Variants in KAZN observed in about 807,000 individuals in gnomAD.
The protein encoded by KAZN is kazrin, periplakin interacting protein.
Under a neutral mutation model 87.4 loss-of-function variants are expected in KAZN, and 40 were observed. That is an observed-to-expected ratio of 0.46 (90% CI 0.36 to 0.60). The LOEUF (loss-of-function observed/expected upper bound fraction) is 0.60. Among genes scored for constraint, KAZN ranks in the 20% least tolerant of loss-of-function variants. The pLI is 0.00. For synonymous variants in KAZN, 466 were observed against 458.3 expected, an observed-to-expected ratio of 1.02 and a Z score of -0.22; for missense variants, 898 against 1,073.9, an observed-to-expected ratio of 0.84 and a Z score of 2.29.
At chr1:14,245,151 G>A (rs2100590897) in intron 2 of KAZN, among the ~76,000 whole-genome samples, 1 of 152,066 alleles carries the variant, frequency 6.6e-6, no homozygotes, top group East Asian at 2.0e-4. Context: ...TTTTACTAGA[G>A]TTGGGGTTTC....
At chr1:14,606,820 A>C (rs564683384) in intron 1 of KAZN, among the ~76,000 whole-genome samples, 2 of 152,280 alleles carry the variant, frequency 1.3e-5, no homozygotes, top group African/African-American at 4.8e-5. Context: ...GCCTCTACCC[A>C]CTAGATGACA....
At chr1:14,209,321 G>A (rs570938304) in intron 2 of KAZN, among the ~76,000 whole-genome samples, 5 of 152,266 alleles carry the variant, frequency 3.3e-5, no homozygotes, top group East Asian at 1.9e-4. Flanking sequence ...GCTACTCCTT[G>A]GTGTGGCATG....
intron 2 of KAZN, among the ~76,000 whole-genome samples, chr1:14,248,804 T>A (rs1649746943): frequency 6.6e-6 from 1 of 152,204 alleles, no homozygotes; most frequent in African/African-American, 2.4e-5. Context: ...AGGGTGAAAC[T>A]GATGCTATGT....
At chr1:14,299,924 G>A (rs1448921489) in intron 2 of KAZN, among the ~76,000 whole-genome samples, 1 of 152,170 alleles carries the variant, frequency 6.6e-6, no homozygotes, top group Non-Finnish European at 1.5e-5. Context: ...TGAGCATTAA[G>A]GCAATTACAG....
intron 2 of KAZN, among the ~76,000 whole-genome samples, chr1:14,322,320 C>G (rs1656104302): frequency 6.6e-6 from 1 of 152,122 alleles, no homozygotes; most frequent in Non-Finnish European, 1.5e-5. Flanking sequence ...ACGTGGCATT[C>G]TCTAACCAGT....
chr1:14,525,322 T>C (rs1469360651), intron 2 of KAZN, among the ~76,000 whole-genome samples: 3 of 152,164 alleles, frequency 2.0e-5, no homozygotes, highest in Non-Finnish European at 4.4e-5. Context: ...TTTTTTATCA[T>C]GTAGAACATA....
rs140247080 is a variant in KAZN at position 14,168,225 on chromosome 1, C to T, written c.92-12210C>T. 5.9e-5 allele frequency among the ~76,000 whole-genome samples: 9 copies of T among 152,286 alleles called. No individual in the cohort carries two copies. In the East Asian group the frequency reaches 1.5e-3, roughly 26 times the overall value. Reference sequence around the variant, plus strand: ...TTCTCACAGGGCGACTTTATTGTAACGCATTTTCTTGCAGCTTCTGTTGGG... The same window carrying T: ...TTCTCACAGGGCGACTTTATTGTAATGCATTTTCTTGCAGCTTCTGTTGGG... On this transcript the variant is annotated intron_variant, in intron 1 of 16. Coordinates refer to the KAZN transcript ENST00000636203.
chr1:14,865,998 A>G (rs2690015), intron 1 of KAZN, among the ~76,000 whole-genome samples: 105,363 of 152,054 alleles, frequency 0.69, 37,854 homozygotes, highest in East Asian at 0.97. Context: ...GATCCCAGCC[A>G]TCTAGCCCCT....
chr1:14,576,468 G>C (rs1367874102), intron 2 of KAZN, among the ~76,000 whole-genome samples: 1 of 152,164 alleles, frequency 6.6e-6, no homozygotes, highest in South Asian at 2.1e-4. Flanking sequence ...TATATTAATG[G>C]ATGGATGGAT....
chr1:15,052,020 GGAGAA>G (rs1256327812), intron 4 of KAZN, among the ~76,000 whole-genome samples: 3 of 152,204 alleles, frequency 2.0e-5, no homozygotes, highest in Non-Finnish European at 4.4e-5. Context: ...GGCTCAGAGA[GGAGAA>G]GAGAAGAGTC....
At chr1:14,918,945 C>G (rs1198738391) in intron 1 of KAZN, among the ~76,000 whole-genome samples, 3 of 151,738 alleles carry the variant, frequency 2.0e-5, no homozygotes, top group African/African-American at 4.8e-5. Context: ...GATAATCAAT[C>G]CCTATTGTTT....
chr1:14,009,291 G>A (rs1640177338), intron 1 of KAZN, among the ~76,000 whole-genome samples: 1 of 152,134 alleles, frequency 6.6e-6, no homozygotes, highest in Non-Finnish European at 1.5e-5. Flanking sequence ...AAGTCTTTGA[G>A]ACTGTGTTTT....
At chr1:14,129,250 A>T (rs948215406) in intron 1 of KAZN, among the ~76,000 whole-genome samples, 1 of 152,210 alleles carries the variant, frequency 6.6e-6, no homozygotes, top group Non-Finnish European at 1.5e-5. Flanking sequence ...TGGAGGCCAG[A>T]TAATACAGAA....
chr1:14,988,220 T>G lies in KAZN; in HGVS notation c.418+27345T>G, dbSNP rs1667013503. ...AGGCAGGGCCTGCTTCCTGCTCCCATTTGGTCTCATGCCCCTACCCCAGCC... is the reference window on the plus strand; with the variant it reads ...AGGCAGGGCCTGCTTCCTGCTCCCAGTTGGTCTCATGCCCCTACCCCAGCC... On this transcript the variant is annotated intron_variant, in intron 2 of 14. Transcript: ENST00000376030. Among the ~76,000 whole-genome samples, 3 of 152,146 alleles carry G rather than the reference T, an allele frequency of 2.0e-5. No homozygotes were observed. In the South Asian group the frequency reaches 6.2e-4, roughly 31 times the overall value.
chr1:13,944,953 A>T (rs766013430), intron 1 of KAZN, among the ~76,000 whole-genome samples: 1 of 152,196 alleles, frequency 6.6e-6, no homozygotes. Flanking sequence ...AGCTTACAAG[A>T]GATATCCCTT....
chr1:13,999,386 C>CA (rs1187882210), intron 1 of KAZN, among the ~76,000 whole-genome samples: 18 of 150,770 alleles, frequency 1.2e-4, no homozygotes, highest in Admixed American at 2.0e-4. Context: ...AAAAAACAAA[C>CA]AAAAAAAACC....
At chr1:14,709,842 A>T (rs1642395788) in intron 1 of KAZN, among the ~76,000 whole-genome samples, 1 of 152,208 alleles carries the variant, frequency 6.6e-6, no homozygotes, top group Admixed American at 6.5e-5. Context: ...ATTTCCTACT[A>T]ACTGAGATCA....
At chr1:14,933,849 CTTT>C (rs59580896) in intron 1 of KAZN, among the ~76,000 whole-genome samples, 4 of 141,218 alleles carry the variant, frequency 2.8e-5, no homozygotes, top group Non-Finnish European at 3.1e-5. Context: ...GCTTTTTTTT[CTTT>C]TTTTTTTTTT....
intron 2 of KAZN, among the ~76,000 whole-genome samples, chr1:14,352,240 CG>C (rs1332937662): frequency 6.6e-6 from 1 of 151,968 alleles, no homozygotes; most frequent in African/African-American, 2.4e-5. Context: ...GACACAGAAT[CG>C]GATCAGCAGC....
Sources: allele counts gnomAD v4.1 joint callset (sites outside exome capture counted in the v4.1 genomes callset), GRCh38; gene constraint gnomAD v4.1.1; transcripts MANE v1.5; gene names NCBI Gene and HGNC (gene_info 2026-07-23, HGNC 2026-07-21).